TLE1: variants seen among roughly 807,000 people sequenced by gnomAD.
TLE1 encodes the protein transducin-like enhancer protein 1.
In TLE1, 21 loss-of-function variants were observed where a neutral mutation model predicts 89.8. That is an observed-to-expected ratio of 0.23 (90% CI 0.17 to 0.34). TLE1 has a LOEUF of 0.34. Among genes scored for constraint, TLE1 ranks in the 10% least tolerant of loss-of-function variants. The probability of loss-of-function intolerance (pLI) is 1.00; values close to 1 mark genes in which losing one functional copy is unlikely to be tolerated. For missense variants in TLE1, 795 were observed against 1,031.2 expected, an observed-to-expected ratio of 0.77 and a Z score of 3.14; for synonymous variants, 447 against 407.6, an observed-to-expected ratio of 1.10 and a Z score of -1.16.
chr9:81,653,735 T>G (rs767387640), intron 5 of TLE1, among the ~76,000 whole-genome samples: 8 of 152,188 alleles, frequency 5.3e-5, no homozygotes, highest in Non-Finnish European at 8.8e-5. Flanking sequence ...GTACATTGGA[T>G]AGTCATTTTG....
chr9:81,585,962 G>A lies in TLE1; in HGVS notation c.1978-307C>T, dbSNP rs113370243. On this transcript the variant is annotated intron_variant, in intron 17 of 19. Transcript: ENST00000376499. The stretch of plus-strand genomic sequence containing the variant: ...CTTTTAGAGACACTAACTGAAATAC[G>A]ATCATATATCACCTATCAAGGGGGA... 5.4e-3 allele frequency among the ~76,000 whole-genome samples: 814 copies of A among 151,256 alleles called. 5 individuals carry two copies. Among genetic ancestry groups the A allele is most frequent in the African/African-American group, 0.019 (775 of 41,200 alleles).
intron 4 of TLE1, among the ~76,000 whole-genome samples, chr9:81,667,408 A>G (rs1427346442): frequency 1.3e-5 from 2 of 151,096 alleles, no homozygotes; most frequent in Admixed American, 1.3e-4. Context: ...AAAAAAAAGA[A>G]GCAAAAATCA....
chr9:81,661,844 G>A (rs1162929865), intron 4 of TLE1, among the ~76,000 whole-genome samples: 1 of 152,162 alleles, frequency 6.6e-6, no homozygotes, highest in African/African-American at 2.4e-5. Flanking sequence ...GGTCATTCAG[G>A]AAGTTAAGGC....
intron 4 of TLE1, 30 bp from the exon 5 acceptor site, chr9:81,654,066 G>C: frequency 6.2e-7 from 1 of 1,609,366 alleles, no homozygotes; most frequent in Non-Finnish European, 8.5e-7. Context: ...CAAATGTTTA[G>C]AATACTTCAC....
intron 4 of TLE1, among the ~76,000 whole-genome samples, chr9:81,661,470 T>C (rs932685633): frequency 5.3e-5 from 8 of 152,066 alleles, no homozygotes; most frequent in African/African-American, 1.7e-4. Flanking sequence ...CAATGGCACC[T>C]TGCCCAAAGT....
intron 4 of TLE1, among the ~76,000 whole-genome samples, chr9:81,661,299 T>C (rs1006332827): frequency 6.6e-6 from 1 of 151,596 alleles, no homozygotes; most frequent in Non-Finnish European, 1.5e-5. Flanking sequence ...CCACCTTTCC[T>C]ACTTCTCATA....
intron 6 of TLE1, among the ~76,000 whole-genome samples, chr9:81,642,700 TGAAAGAAAAGAAA>T (rs1007853413): frequency 3.4e-5 from 2 of 58,942 alleles, no homozygotes; most frequent in Admixed American, 1.8e-4. Context: ...TCTCAAAAAA[TGAAAGAAAAGAAA>T]GAAAGGAAAG....
At chr9:81,616,283 G>T (rs1424898981) in intron 10 of TLE1, 149 bp from the exon 11 acceptor site, 1 of 948,634 alleles carries the variant, frequency 1.1e-6, no homozygotes, top group Non-Finnish European at 1.6e-6. Flanking sequence ...TTATAAATGA[G>T]CAATATGGTG....
intron 4 of TLE1, among the ~76,000 whole-genome samples, chr9:81,665,183 G>T (rs1831310771): frequency 6.6e-6 from 1 of 152,166 alleles, no homozygotes; most frequent in Non-Finnish European, 1.5e-5. Flanking sequence ...CAAACCGGGG[G>T]TGTAGGAACA....
intron 15 of TLE1, among the ~76,000 whole-genome samples, chr9:81,592,351 C>A (rs1209358717): frequency 6.6e-6 from 1 of 152,196 alleles, no homozygotes; most frequent in Non-Finnish European, 1.5e-5. Flanking sequence ...GAGCAAGACT[C>A]CGTCTCAAAG....
chr9:81,662,174 G>A (rs1337332435), intron 4 of TLE1, among the ~76,000 whole-genome samples: 1 of 152,196 alleles, frequency 6.6e-6, no homozygotes, highest in Admixed American at 6.5e-5. Flanking sequence ...GAGTTTTTGA[G>A]AAAGTTAACA....
chr9:81,600,490 G>A (rs977764997), intron 14 of TLE1, among the ~76,000 whole-genome samples: 20 of 152,052 alleles, frequency 1.3e-4, no homozygotes, highest in African/African-American at 4.3e-4. Flanking sequence ...AAAAAGGAAC[G>A]GCCTCACCTC....
Position 81,608,901 on chromosome 9 carries a change from C to G in TLE1, c.1331+1319G>C, listed in dbSNP as rs906819409. 4.0e-5 allele frequency among the ~76,000 whole-genome samples: 6 copies of G among 151,502 alleles called. No individual in the cohort carries two copies. In the South Asian group the frequency reaches 8.3e-4, roughly 21 times the overall value. ...GCAGTGAGCCGAGATCGCACCACTG[C>G]ACTCCAGCCTCGGCAACGAGTGAAA... On this transcript the variant is annotated intron_variant, in intron 14 of 19. Transcript: ENST00000376499.
chr9:81,629,678 C>T (rs978690919), intron 8 of TLE1, among the ~76,000 whole-genome samples: 1 of 152,220 alleles, frequency 6.6e-6, no homozygotes, highest in African/African-American at 2.4e-5. Context: ...TAGCCTACTA[C>T]ACACCTAGGC....
Position 81,688,245 on chromosome 9 carries a change from C to G in TLE1, c.-5G>C. 4 of 1,585,810 alleles carry G rather than the reference C, an allele frequency of 2.5e-6. No individual in the cohort carries two copies. Among genetic ancestry groups the G allele is most frequent in the Non-Finnish European group, 3.4e-6 (4 of 1,167,196 alleles). On this transcript the variant is annotated 5_prime_UTR_variant, in exon 1 of 20. Transcript: ENST00000376499. ...GTGCCGGCTCTGCGGGAACATCGCTCTGGCGGCGGCCGGGGCTCTGTTCCC... is the reference window on the plus strand; with the variant it reads ...GTGCCGGCTCTGCGGGAACATCGCTGTGGCGGCGGCCGGGGCTCTGTTCCC...
At chr9:81,654,249 G>T (rs1829889450) in intron 4 of TLE1, among the ~76,000 whole-genome samples, 1 of 152,146 alleles carries the variant, frequency 6.6e-6, no homozygotes, top group African/African-American at 2.4e-5. Context: ...ACACTTCATT[G>T]TAATAAGAGA....
chr9:81,634,221 C>T lies in TLE1; in HGVS notation c.453G>A (p.Gln151=). ...CCCCGAGGGGCGGGATTCCAGGAGGCTGAAGTCCCGAAGGGTGAGGCGTAA... is the reference window on the plus strand; with the variant it reads ...CCCCGAGGGGCGGGATTCCAGGAGGTTGAAGTCCCGAAGGGTGAGGCGTAA... The part of the protein sequence containing the change: ...VPLTPHPSGL[Q]PPGIPPLGGS... Residue 151 remains glutamine (Q), a synonymous_variant, in exon 7 of 20, where the codon CAG becomes CAA. Transcript: ENST00000376499. 6.3e-7 allele frequency: 1 copy of T among 1,589,474 alleles called. No homozygotes were observed. Among genetic ancestry groups the T allele is most frequent in the South Asian group, 1.1e-5 (1 of 87,516 alleles).
intron 5 of TLE1, among the ~76,000 whole-genome samples, chr9:81,653,343 A>C (rs890200423): frequency 5.9e-5 from 9 of 152,222 alleles, no homozygotes; most frequent in Admixed American, 3.3e-4. Context: ...TATATCCAGA[A>C]GGAAGGTAAA....
chr9:81,672,332 A>ATTT (rs910491153), intron 4 of TLE1, among the ~76,000 whole-genome samples: 5 of 151,574 alleles, frequency 3.3e-5, no homozygotes, highest in Non-Finnish European at 5.9e-5. Context: ...AATTATTATT[A>ATTT]TTATTATTAT....
Sources: allele counts gnomAD v4.1 joint callset (sites outside exome capture counted in the v4.1 genomes callset), GRCh38; gene constraint gnomAD v4.1.1; transcripts MANE v1.5; gene names NCBI Gene and HGNC (gene_info 2026-07-23, HGNC 2026-07-21).